COL4A2: variants seen among roughly 807,000 people sequenced by gnomAD.
The protein encoded by COL4A2 is collagen type IV alpha 2 chain.
In COL4A2, 99 loss-of-function variants were observed where a neutral mutation model predicts 200.2. That is an observed-to-expected ratio of 0.49 (90% CI 0.42 to 0.58). The LOEUF (loss-of-function observed/expected upper bound fraction) is 0.58, where lower values mean the gene tolerates loss of function less well. Ranked by LOEUF, COL4A2 falls within the 20% of genes least tolerant of loss-of-function variation. COL4A2 has a pLI of 0.00. For missense variants in COL4A2, 1,950 were observed against 2,314.1 expected (o/e 0.84, Z 3.23); for synonymous variants, 897 against 900.6 (o/e 1.00, Z 0.07).
At chr13:110,351,264 A>C (rs1343509125) in intron 3 of COL4A2, among the ~76,000 whole-genome samples, 1 of 151,968 alleles carries the variant, frequency 6.6e-6, no homozygotes, top group African/African-American at 2.4e-5. Context: ...TTGTACAGAC[A>C]GGGTTTTGCT....
chr13:110,343,056 G>A (rs1594158390), intron 3 of COL4A2, among the ~76,000 whole-genome samples: 1 of 152,130 alleles, frequency 6.6e-6, no homozygotes, highest in Admixed American at 6.5e-5. Context: ...TAGCCTTATC[G>A]ACAGAGGTTA....
At position 110,482,670 on chromosome 13, in the gene COL4A2, C is replaced by G. The variant is rs773477481; in HGVS notation, c.2902+11C>G. 2.5e-6 allele frequency: 4 copies of G among 1,612,248 alleles called. No homozygotes were observed. The South Asian group carries it at 4.4e-5, about 18-fold the overall frequency. ...AGCCAGGTTTTAAAGGTATGTCCCT[C>G]TCTTAACATCCTCCTTACCTGGTCA... is the stretch of plus-strand genomic sequence containing the variant. On this transcript the variant is annotated intron_variant, in intron 32 of 47. Transcript: ENST00000360467.
chr13:110,485,827 A>T lies in COL4A2; in HGVS notation c.3198A>T (p.Ile1066=). The part of the protein sequence containing the change: ...PPGITGFPGF[I]GSRGDKGAPG... ...GAATTACGGGATTCCCAGGATTCAT[A>T]GGAAGCCGGGTGAGTGGGCGTCTTT... Residue 1066 remains isoleucine (I), a synonymous_variant, in exon 34 of 48, where the codon ATA becomes ATT. Transcript: ENST00000360467. The T allele has an allele frequency of 6.2e-7, 1 of 1,613,556 alleles. No individual in the cohort carries two copies. Among genetic ancestry groups the T allele is most frequent in the Non-Finnish European group, 8.5e-7 (1 of 1,179,818 alleles).
rs565367857 is a variant in COL4A2, at chr13:110,457,700, G to A, written c.1432+265G>A. The A allele has an allele frequency of 1.1e-4, 71 of 619,926 alleles. No homozygotes were observed. The African/African-American group carries it at 1.2e-3, about 11-fold the overall frequency. 38.4% of individuals were successfully genotyped at this position (619,926 alleles called of 1,614,324 possible). On this transcript the variant is annotated intron_variant, in intron 21 of 47. Coordinates refer to ENST00000360467, the MANE Select transcript of COL4A2 (RefSeq NM_001846.4). Reference sequence around the variant, plus strand: ...TCACTGACCTTCCTAGCAGCAGTGAGCCTGATGCTGAGTCCTGTGCTGGGT... The same window carrying A: ...TCACTGACCTTCCTAGCAGCAGTGAACCTGATGCTGAGTCCTGTGCTGGGT...
chr13:110,404,806 T>TGGGAGACAA (rs747671762), intron 4 of COL4A2, among the ~76,000 whole-genome samples: 6 of 152,202 alleles, frequency 3.9e-5, no homozygotes, highest in Non-Finnish European at 8.8e-5. Flanking sequence ...CTAGCGCCTC[T>TGGGAGACAA]GGGAGACAAG....
At chr13:110,506,681 C>A in intron 46 of COL4A2, 75 bp downstream of exon 46, 2 of 1,431,734 alleles carry the variant, frequency 1.4e-6, no homozygotes, top group South Asian at 1.4e-5. Flanking sequence ...AGGGCCACAG[C>A]GAGACTCCCA....
intron 22 of COL4A2, among the ~76,000 whole-genome samples, chr13:110,460,194 T>C (rs1402130405): frequency 1.3e-5 from 2 of 152,144 alleles, no homozygotes; most frequent in Non-Finnish European, 2.9e-5. Context: ...GCCCACAGCA[T>C]GGAAGGAACC....
chr13:110,398,707 A>G (rs1374939471), intron 4 of COL4A2, among the ~76,000 whole-genome samples: 1 of 151,996 alleles, frequency 6.6e-6, no homozygotes, highest in African/African-American at 2.4e-5. Flanking sequence ...GAAAGAAAGA[A>G]AAAGAAAGAA....
intron 4 of COL4A2, among the ~76,000 whole-genome samples, chr13:110,395,112 C>T (rs917766022): frequency 3.3e-5 from 5 of 152,176 alleles, no homozygotes; most frequent in African/African-American, 9.6e-5. Flanking sequence ...ACAGTGGAGA[C>T]CTGTCTCCTC....
intron 39 of COL4A2, among the ~76,000 whole-genome samples, chr13:110,495,026 A>G (rs1024103893): frequency 1.3e-5 from 2 of 152,166 alleles, no homozygotes; most frequent in Non-Finnish European, 2.9e-5. Context: ...CATAGCCTGA[A>G]GAGAAGCCCC....
At chr13:110,450,573 G>A in intron 20 of COL4A2, 119 bp downstream of exon 20, 2 of 1,186,084 alleles carry the variant, frequency 1.7e-6, no homozygotes, top group Non-Finnish European at 2.4e-6. Flanking sequence ...CAGTAGGCCA[G>A]TGATTAGGGT....
In COL4A2 at chr13:110,319,677, TC is replaced by T. The variant is rs538858288; in HGVS notation, c.99+11555del. ...GGGAAGAACCTCACCTCCTTCCCTT[TC>T]TTCCTTATTTGGTAGTTGTCCTAAT... On this transcript the variant is annotated intron_variant, in intron 3 of 47. Coordinates refer to ENST00000360467, the MANE Select transcript of COL4A2 (RefSeq NM_001846.4). 1.4e-4 allele frequency among the ~76,000 whole-genome samples: 22 copies of T among 152,322 alleles called. No homozygotes were observed. The South Asian group carries it at 4.3e-3, about 30-fold the overall frequency.
chr13:110,400,224 G>A (rs764436410), intron 4 of COL4A2, among the ~76,000 whole-genome samples: 3 of 152,168 alleles, frequency 2.0e-5, no homozygotes, highest in Non-Finnish European at 2.9e-5. Flanking sequence ...TGTGATAAAA[G>A]TGAAAAAGTT....
chr13:110,346,252 A>G (rs1355796860), intron 3 of COL4A2, among the ~76,000 whole-genome samples: 1 of 152,240 alleles, frequency 6.6e-6, no homozygotes, highest in Admixed American at 6.5e-5. Context: ...AATCCCAGAC[A>G]GAAAGTCATT....
chr13:110,343,961 A>G (rs1876585816), intron 3 of COL4A2, among the ~76,000 whole-genome samples: 1 of 152,224 alleles, frequency 6.6e-6, no homozygotes, highest in African/African-American at 2.4e-5. Flanking sequence ...TGCCAATACT[A>G]ACCACATACA....
chr13:110,489,667 C>T (rs1883219755), intron 35 of COL4A2, 44 bp from the exon 36 acceptor site: 3 of 1,611,802 alleles, frequency 1.9e-6, no homozygotes, highest in Non-Finnish European at 2.5e-6. Context: ...CACAAAGTCC[C>T]AGTGGAAAGT....
chr13:110,379,401 T>C (rs1337399578), intron 4 of COL4A2, among the ~76,000 whole-genome samples: 3 of 152,230 alleles, frequency 2.0e-5, no homozygotes, highest in Admixed American at 2.0e-4. Flanking sequence ...GCAAAATTCC[T>C]TGGCATGACC....
intron 3 of COL4A2, among the ~76,000 whole-genome samples, chr13:110,332,378 G>T (rs1312458180): frequency 6.6e-6 from 1 of 152,220 alleles, no homozygotes; most frequent in Middle Eastern, 3.2e-3. Context: ...AATTTTCCAA[G>T]TCCTCCTCAT....
At chr13:110,378,204 T>C (rs1878322851) in intron 4 of COL4A2, among the ~76,000 whole-genome samples, 4 of 152,282 alleles carry the variant, frequency 2.6e-5, no homozygotes, top group Admixed American at 2.6e-4. Flanking sequence ...GCAGCTTTAA[T>C]TGTATCTCCC....
Sources: gnomAD v4.1 joint callset for allele counts (sites outside exome capture counted in the v4.1 genomes callset) on GRCh38, gnomAD v4.1.1 for gene constraint, MANE v1.5 for transcripts, NCBI Gene and HGNC (gene_info 2026-07-23, HGNC 2026-07-21) for gene names.